PLD5: variants seen among roughly 807,000 people sequenced by gnomAD.
PLD5 encodes the protein inactive phospholipase D5.
In PLD5, 36 loss-of-function variants were observed where a neutral mutation model predicts 61.1. The observed-to-expected ratio is 0.59, with a 90% confidence interval of 0.45 to 0.78. The LOEUF (loss-of-function observed/expected upper bound fraction) is 0.78. Ranked by LOEUF, PLD5 falls within the 30% of genes least tolerant of loss-of-function variation. The pLI, the probability that PLD5 is intolerant of heterozygous loss-of-function variation, is 0.00. For missense variants in PLD5, 515 were observed against 644.4 expected (o/e 0.80, Z 2.17); for synonymous variants, 243 against 242.8 (o/e 1.00, Z -0.01).
rs755834028 is a variant in PLD5, at chr1:242,107,620, T to A, written c.1239+51A>T. The A allele has an allele frequency of 3.2e-5, 48 of 1,492,406 alleles. 1 individual carries two copies. In the Admixed American group the frequency reaches 4.9e-4, roughly 15 times the overall value. The allele number at this position is 1,492,406 out of a possible 1,614,324, so 92.4% of individuals were successfully genotyped here. A position where few individuals can be genotyped will look rare whatever the true frequency, so the allele number is the denominator to read the frequency against. The stretch of plus-strand genomic sequence containing the variant: ...CGTATGCTTGCAGCTTTCACACACA[T>A]GCAGAGGGCATTCACTTTTTATTTA... On this transcript the variant is annotated intron_variant, in intron 8 of 9. Transcript: ENST00000536534.
At chr1:242,356,755 A>G (rs989959508) in intron 1 of PLD5, among the ~76,000 whole-genome samples, 3 of 152,072 alleles carry the variant, frequency 2.0e-5, no homozygotes, top group East Asian at 3.9e-4. Context: ...TCTTACACTT[A>G]TAACAGTCTA....
intron 1 of PLD5, among the ~76,000 whole-genome samples, chr1:242,375,959 G>C (rs1661928573): frequency 6.6e-6 from 1 of 152,172 alleles, no homozygotes; most frequent in South Asian, 2.1e-4. Context: ...GACAGCAAAG[G>C]GTTAAGTCAA....
At chr1:242,338,818 A>C (rs930524896) in intron 2 of PLD5, among the ~76,000 whole-genome samples, 1 of 152,238 alleles carries the variant, frequency 6.6e-6, no homozygotes, top group African/African-American at 2.4e-5. Context: ...AATACATGCC[A>C]TCTTATAGGA....
At chr1:242,125,818 C>A (rs1229197882) in intron 5 of PLD5, among the ~76,000 whole-genome samples, 1 of 152,090 alleles carries the variant, frequency 6.6e-6, no homozygotes, top group East Asian at 1.9e-4. Flanking sequence ...CCAGGACTCC[C>A]CAGTACAACA....
At chr1:242,126,975 A>G (rs1181421291) in intron 5 of PLD5, among the ~76,000 whole-genome samples, 1 of 150,346 alleles carries the variant, frequency 6.7e-6, no homozygotes, top group Non-Finnish European at 1.5e-5. Flanking sequence ...AAACAACCCC[A>G]TAAAAAAGTA....
chr1:242,105,283 G>A (rs1660963986), intron 8 of PLD5, among the ~76,000 whole-genome samples: 1 of 151,864 alleles, frequency 6.6e-6, no homozygotes, highest in South Asian at 2.1e-4. Context: ...GAATGCAGTG[G>A]TGCAATCTCG....
At chr1:242,444,874 T>G (rs867206184) in intron 1 of PLD5, among the ~76,000 whole-genome samples, 1 of 151,516 alleles carries the variant, frequency 6.6e-6, no homozygotes, top group Non-Finnish European at 1.5e-5. Flanking sequence ...TGATATATAT[T>G]AAAGAGATGA....
chr1:242,284,777 C>T (rs1451047563), intron 3 of PLD5, among the ~76,000 whole-genome samples: 1 of 152,186 alleles, frequency 6.6e-6, no homozygotes, highest in Non-Finnish European at 1.5e-5. Context: ...CCCCACAGGA[C>T]ATGGCCAGGG....
At chr1:242,248,890 G>A (rs907046248) in intron 4 of PLD5, among the ~76,000 whole-genome samples, 6 of 152,150 alleles carry the variant, frequency 3.9e-5, no homozygotes, top group African/African-American at 1.4e-4. Flanking sequence ...GGTCATGACT[G>A]TAATCCCAGT....
chr1:242,498,628 C>T (rs944281703), intron 1 of PLD5, among the ~76,000 whole-genome samples: 1 of 152,162 alleles, frequency 6.6e-6, no homozygotes, highest in African/African-American at 2.4e-5. Context: ...TTTATGTTTT[C>T]TATTAAAACT....
Position 242,362,021 on chromosome 1 carries a change from T to G in PLD5, c.190-13779A>C, listed in dbSNP as rs1481865852. Among the ~76,000 whole-genome samples the G allele has an allele frequency of 2.6e-5, 4 of 151,944 alleles. No homozygotes were observed. The South Asian group carries it at 8.3e-4, about 32-fold the overall frequency. On this transcript the variant is annotated intron_variant, in intron 1 of 9. Transcript: ENST00000536534. Reference sequence around the variant, plus strand: ...ATTTTAAAGAGGAAAAAAATGGAATTTACCTTTAGGAAACTATGACCCTAG... The same window carrying G: ...ATTTTAAAGAGGAAAAAAATGGAATGTACCTTTAGGAAACTATGACCCTAG...
rs1406973876 is a variant in PLD5, at chr1:242,301,874, T to C, written c.327-13344A>G. On this transcript the variant is annotated intron_variant, in intron 2 of 9. Transcript: ENST00000536534. ...CTCACTGCAACCTCCACCTCCCGGG[T>C]TCAAGCAACTCACCTGCTTCAGCCT... 3.3e-5 allele frequency among the ~76,000 whole-genome samples: 5 copies of C among 151,226 alleles called. No homozygotes were observed. The East Asian group carries it at 9.7e-4, about 29-fold the overall frequency.
At chr1:242,097,914 G>A (rs1485654927) in intron 9 of PLD5, among the ~76,000 whole-genome samples, 1 of 152,104 alleles carries the variant, frequency 6.6e-6, no homozygotes, top group African/African-American at 2.4e-5. Flanking sequence ...ATCTTGAATT[G>A]ATTTTTGTAT....
intron 1 of PLD5, among the ~76,000 whole-genome samples, chr1:242,470,205 T>A (rs1415560391): frequency 6.6e-6 from 1 of 151,620 alleles, no homozygotes; most frequent in Non-Finnish European, 1.5e-5. Context: ...TAGCCGGGCG[T>A]GGTGCGGGCG....
At chr1:242,530,037 G>A in the PLD5 span, among the ~76,000 whole-genome samples, 1 of 152,042 alleles carries the variant, frequency 6.6e-6, no homozygotes. Flanking sequence ...GAGATTACAG[G>A]TGCCCACCAC....
intron 5 of PLD5, among the ~76,000 whole-genome samples, chr1:242,157,746 TG>T (rs1228105917): frequency 6.6e-6 from 1 of 152,172 alleles, no homozygotes; most frequent in African/African-American, 2.4e-5. Context: ...GGAGCTCTCC[TG>T]GATGAGGTGT....
intron 1 of PLD5, among the ~76,000 whole-genome samples, chr1:242,510,192 C>T (rs538355001): frequency 1.1e-4 from 17 of 151,988 alleles, no homozygotes; most frequent in East Asian, 7.7e-4. Flanking sequence ...CTTTCCCGCA[C>T]GCAGGCCAAA....
At chr1:242,526,240 G>C (rs116956979), upstream of PLD5, among the ~76,000 whole-genome samples, 235 of 152,162 alleles carry the variant, frequency 1.5e-3, 2 homozygotes, top group East Asian at 0.031. Context: ...AAATAAATTA[G>C]CCAGGCGTGG....
At chr1:242,393,098 G>A (rs2149266146) in intron 1 of PLD5, among the ~76,000 whole-genome samples, 1 of 151,216 alleles carries the variant, frequency 6.6e-6, no homozygotes, top group Admixed American at 6.6e-5. Flanking sequence ...CAGCTACTCA[G>A]GAGGCTGAGG....
Sources: allele counts gnomAD v4.1 joint callset (sites outside exome capture counted in the v4.1 genomes callset), GRCh38; gene constraint gnomAD v4.1.1; transcripts MANE v1.5; gene names NCBI Gene and HGNC (gene_info 2026-07-23, HGNC 2026-07-21).